VEPH1: variants seen among roughly 807,000 people sequenced by gnomAD.
The protein encoded by VEPH1 is ventricular zone-expressed PH domain-containing protein homolog 1.
In VEPH1, 80 loss-of-function variants were observed where a neutral mutation model predicts 85.2. The ratio of observed to expected loss-of-function variants is 0.94; its 90% confidence interval spans 0.78 to 1.13. The LOEUF is 1.13. VEPH1 is among the 50% of genes most tolerant of loss of function. The pLI is 0.00. For missense variants in VEPH1, 955 were observed against 980.5 expected (o/e 0.97, Z 0.35); for synonymous variants, 297 against 348.0 (o/e 0.85, Z 1.63).
intron 5 of VEPH1, among the ~76,000 whole-genome samples, chr3:157,426,311 C>T (rs145352706): frequency 3.3e-5 from 5 of 152,310 alleles, no homozygotes; most frequent in African/African-American, 1.2e-4. Context: ...AATATCAAGA[C>T]TTCTGTTGGA....
intron 9 of VEPH1, among the ~76,000 whole-genome samples, chr3:157,329,778 C>T (rs897656209): frequency 2.0e-5 from 3 of 152,100 alleles, no homozygotes; most frequent in African/African-American, 7.2e-5. Flanking sequence ...TATATTTTGT[C>T]CTATTGAAGG....
intron 4 of VEPH1, chr3:157,442,722 G>A: frequency 6.2e-7 from 1 of 1,614,206 alleles, no homozygotes; most frequent in South Asian, 1.1e-5. Flanking sequence ...TGTTGAGATG[G>A]CCACAGGTCA....
intron 7 of VEPH1, among the ~76,000 whole-genome samples, chr3:157,365,202 C>T (rs1225059262): frequency 6.6e-6 from 1 of 152,126 alleles, no homozygotes; most frequent in Non-Finnish European, 1.5e-5. Context: ...AAATAAGCTG[C>T]AGAAATAGCT....
chr3:157,497,325 C>T (rs1560114080), intron 1 of VEPH1, among the ~76,000 whole-genome samples: 1 of 152,106 alleles, frequency 6.6e-6, no homozygotes, highest in Non-Finnish European at 1.5e-5. Context: ...GCAAGACAGT[C>T]ACAGGAGAAG....
intron 9 of VEPH1, among the ~76,000 whole-genome samples, chr3:157,338,674 A>C (rs954555395): frequency 6.6e-6 from 1 of 152,198 alleles, no homozygotes; most frequent in Non-Finnish European, 1.5e-5. Context: ...TGGGTTTTCA[A>C]ACTTTTATAT....
rs117150815 is a variant in VEPH1, at chr3:157,416,438, G to A, written c.697-2348C>T. Among the ~76,000 whole-genome samples the A allele has an allele frequency of 2.5e-3, 381 of 152,304 alleles. 8 individuals carry two copies. In the East Asian group the frequency reaches 0.044, roughly 18 times the overall value. ...ACAAATGCTGCCTGTGCATTAGGGA[G>A]CAATTGTATGTCCTTCAGGAGAAGC... On this transcript the variant is annotated intron_variant, in intron 5 of 13. Coordinates refer to ENST00000362010, the MANE Select transcript of VEPH1 (RefSeq NM_001167912.2).
intron 11 of VEPH1, among the ~76,000 whole-genome samples, chr3:157,311,427 T>G (rs917326455): frequency 2.6e-5 from 4 of 152,216 alleles, no homozygotes; most frequent in Non-Finnish European, 5.9e-5. Flanking sequence ...CTTTGCACCA[T>G]TCTTACAGCT....
chr3:157,356,671 A>G (rs1298213584), intron 9 of VEPH1, among the ~76,000 whole-genome samples: 3 of 152,200 alleles, frequency 2.0e-5, no homozygotes, highest in Non-Finnish European at 4.4e-5. Flanking sequence ...CAACAGAGCT[A>G]AAAAATATGG....
At chr3:157,422,333 C>T (rs1272725659) in intron 5 of VEPH1, among the ~76,000 whole-genome samples, 1 of 152,200 alleles carries the variant, frequency 6.6e-6, no homozygotes, top group Non-Finnish European at 1.5e-5. Context: ...TTTGGTACCA[C>T]CACTGTTCTT....
Position 157,456,748 on chromosome 3 carries a change from G to A in VEPH1, c.529+3433C>T, listed in dbSNP as rs114543198. Reference sequence around the variant, plus strand: ...GGTCTATGCGTGTGTTTTTGTACCCGTACCATGCTGTTTTGCTTACTATAT... The same window carrying A: ...GGTCTATGCGTGTGTTTTTGTACCCATACCATGCTGTTTTGCTTACTATAT... On this transcript the variant is annotated intron_variant, in intron 4 of 13. Coordinates refer to ENST00000362010, the MANE Select transcript of VEPH1 (RefSeq NM_001167912.2). Among the ~76,000 whole-genome samples, 834 of 151,322 alleles carry A rather than the reference G, an allele frequency of 5.5e-3. 8 individuals are homozygous for A. Among genetic ancestry groups the A allele is most frequent in the African/African-American group, 0.019 (791 of 41,460 alleles).
chr3:157,406,476 G>C (rs1035331423), intron 6 of VEPH1, among the ~76,000 whole-genome samples: 6 of 152,122 alleles, frequency 3.9e-5, no homozygotes, highest in African/African-American at 1.4e-4. Context: ...CCTGCCGGAT[G>C]TCACAGAAAT....
chr3:157,321,842 T>A (rs1478387684), intron 9 of VEPH1, among the ~76,000 whole-genome samples: 1 of 152,202 alleles, frequency 6.6e-6, no homozygotes. Context: ...TTTAATTTGC[T>A]TATTAACTTT....
intron 8 of VEPH1, 110 bp from the exon 9 acceptor site, chr3:157,363,871 A>G: frequency 7.8e-7 from 1 of 1,280,394 alleles, no homozygotes; most frequent in South Asian, 1.5e-5. Context: ...GGAGTGTGAA[A>G]CTATTAACAG....
intron 10 of VEPH1, chr3:157,315,922 C>T (rs1339210020): frequency 1.3e-5 from 2 of 151,814 alleles, no homozygotes; most frequent in African/African-American, 2.4e-5. Context: ...GTCGTTATTT[C>T]AAGAAAACGA....
At chr3:157,271,324 A>G (rs535887101) in intron 12 of VEPH1, among the ~76,000 whole-genome samples, 2 of 152,316 alleles carry the variant, frequency 1.3e-5, no homozygotes, top group East Asian at 3.9e-4. Context: ...GATGGGATCA[A>G]TGATGTGTCA....
Position 157,336,324 on chromosome 3 carries a change from A to T in VEPH1, c.1736-19123T>A, listed in dbSNP as rs771181124. On this transcript the variant is annotated intron_variant, in intron 9 of 13. Coordinates refer to ENST00000362010, the MANE Select transcript of VEPH1 (RefSeq NM_001167912.2). ...AGATGAGCTAAGGGTGCCAACTCAG[A>T]CAGTGACTGCATCAGATTATAACCT... Among the ~76,000 whole-genome samples, 6 of 152,330 alleles carry T rather than the reference A, an allele frequency of 3.9e-5. No individual in the cohort carries two copies. In the South Asian group the frequency reaches 6.2e-4, roughly 16 times the overall value.
intron 5 of VEPH1, among the ~76,000 whole-genome samples, chr3:157,422,781 T>C (rs1732444530): frequency 6.6e-6 from 1 of 152,232 alleles, no homozygotes; most frequent in African/African-American, 2.4e-5. Context: ...TTTATTCTTA[T>C]TGTGTCTTTA....
intron 2 of VEPH1, among the ~76,000 whole-genome samples, chr3:157,475,020 C>T (rs996478182): frequency 2.6e-5 from 4 of 151,706 alleles, no homozygotes; most frequent in Admixed American, 1.3e-4. Flanking sequence ...GTTCTCTCTG[C>T]CACCCAGGTT....
chr3:157,363,292 C>A, intron 9 of VEPH1, 72 bp downstream of exon 9: 2 of 1,401,610 alleles, frequency 1.4e-6, no homozygotes, highest in South Asian at 1.8e-5. Flanking sequence ...GCTAATTTAC[C>A]TGATTTGAGC....
Sources: gnomAD v4.1 joint callset for allele counts (sites outside exome capture counted in the v4.1 genomes callset) on GRCh38, gnomAD v4.1.1 for gene constraint, MANE v1.5 for transcripts, NCBI Gene and HGNC (gene_info 2026-07-23, HGNC 2026-07-21) for gene names.